Variants in CFAP20DC observed in about 807,000 individuals in gnomAD.
CFAP20DC encodes protein CFAP20DC.
CFAP20DC carries 84 observed loss-of-function variants against 101.7 expected under a neutral mutation model. That is an observed-to-expected ratio of 0.83 (90% confidence interval 0.69 to 0.99). The LOEUF (loss-of-function observed/expected upper bound fraction) is 0.99, where lower values mean the gene tolerates loss of function less well. CFAP20DC is among the 50% of genes least tolerant of loss of function. CFAP20DC has a pLI of 0.00. For missense variants in CFAP20DC, 1,007 were observed against 970.3 expected (o/e 1.04, Z -0.50); for synonymous variants, 359 against 351.2 (o/e 1.02, Z -0.25).
At chr3:58,847,491 G>A (rs1481064088) in intron 13 of CFAP20DC, among the ~76,000 whole-genome samples, 1 of 150,120 alleles carries the variant, frequency 6.7e-6, no homozygotes, top group East Asian at 2.0e-4. Context: ...CAGTTAGAAT[G>A]GCAATCATTA....
At chr3:58,977,508 T>C (rs1337642760) in intron 4 of CFAP20DC, among the ~76,000 whole-genome samples, 3 of 152,130 alleles carry the variant, frequency 2.0e-5, no homozygotes, top group Non-Finnish European at 2.9e-5. Context: ...GCCCTGACTG[T>C]AGCCAGGAAG....
chr3:59,001,746 CT>C lies in CFAP20DC; in HGVS notation c.278+37810del, dbSNP rs939500779. On this transcript the variant is annotated intron_variant, in intron 4 of 16. Coordinates refer to ENST00000482387, the MANE Select transcript of CFAP20DC (RefSeq NM_001394063.1). The surrounding 1 kb of genome is among the most constrained non-coding windows in gnomAD (Gnocchi z 4.5). ...AGCCACTGTGCCCGGCACAGACAAC[CT>C]TTTTCTAATCTCGCAAAAGCAGGGA... is the stretch of plus-strand genomic sequence containing the variant. Among the ~76,000 whole-genome samples, 1 of 152,104 alleles carries C rather than the reference CT, an allele frequency of 6.6e-6. No individual in the cohort carries two copies. Among genetic ancestry groups the C allele is most frequent in the Non-Finnish European group, 1.5e-5 (1 of 68,018 alleles).
intron 4 of CFAP20DC, among the ~76,000 whole-genome samples, chr3:59,010,721 T>C (rs577167675): frequency 6.6e-6 from 1 of 152,268 alleles, no homozygotes; most frequent in Non-Finnish European, 1.5e-5. Flanking sequence ...TTCACAGATA[T>C]TTACAGAACA....
At chr3:59,013,091 G>C (rs2093621295) in intron 4 of CFAP20DC, among the ~76,000 whole-genome samples, 1 of 152,166 alleles carries the variant, frequency 6.6e-6, no homozygotes, top group South Asian at 2.1e-4. Flanking sequence ...CAAATTAGCT[G>C]AGTCTGTCCC....
chr3:58,914,014 GT>G lies in CFAP20DC; in HGVS notation c.394-151del. On this transcript the variant is annotated intron_variant, in intron 5 of 16. Transcript: ENST00000482387. This position sits in a 1 kb window ranked among gnomAD's most constrained non-coding sequence, Gnocchi z 4.9. ...TTCCTCTTTAGGTAAACTTATCTCT[GT>G]TTTGGCTTAAAAACTGACTTGATCT... 1 of 773,194 alleles carries G rather than the reference GT, an allele frequency of 1.3e-6. No homozygotes were observed. The highest frequency in any genetic ancestry group is 2.0e-6 in the Non-Finnish European group (1 of 491,360). 47.9% of individuals were successfully genotyped at this position (773,194 alleles called of 1,614,324 possible).
intron 7 of CFAP20DC, among the ~76,000 whole-genome samples, chr3:58,879,643 C>A (rs757455657): frequency 2.6e-5 from 4 of 151,986 alleles, no homozygotes; most frequent in Non-Finnish European, 4.4e-5. Flanking sequence ...GGGGAGACAG[C>A]AACAAGGAAG....
intron 6 of CFAP20DC, among the ~76,000 whole-genome samples, chr3:58,911,342 A>T (rs1488675520): frequency 1.3e-5 from 2 of 152,214 alleles, no homozygotes; most frequent in South Asian, 4.1e-4. Flanking sequence ...TAGTACAAGA[A>T]TGCATACATG....
chr3:58,889,477 A>C (rs1395328863), intron 6 of CFAP20DC, among the ~76,000 whole-genome samples: 4 of 152,108 alleles, frequency 2.6e-5, no homozygotes, highest in African/African-American at 9.7e-5. Context: ...ACTGAGAGGA[A>C]TCATTACCTC....
chr3:58,783,780 A>AAAAAC (rs1021094685), intron 15 of CFAP20DC, among the ~76,000 whole-genome samples: 5 of 152,164 alleles, frequency 3.3e-5, no homozygotes, highest in East Asian at 1.9e-4. Context: ...CTATTACTAA[A>AAAAAC]AAAACAAAAC....
At chr3:58,726,120 T>C (rs2067546499) in intron 3 of CFAP20DC, 1 of 152,310 alleles carries the variant, frequency 6.6e-6, no homozygotes, top group Admixed American at 6.5e-5. Context: ...GGAGGCCTAG[T>C]TCATAAGACT....
intron 5 of CFAP20DC, among the ~76,000 whole-genome samples, chr3:58,919,240 T>C (rs190379453): frequency 8.7e-4 from 133 of 152,292 alleles, no homozygotes; most frequent in African/African-American, 3.2e-3. Flanking sequence ...CTCATGAGTG[T>C]TGTGTATATT....
At chr3:58,991,717 C>G (rs1400739474) in intron 4 of CFAP20DC, among the ~76,000 whole-genome samples, 1 of 152,120 alleles carries the variant, frequency 6.6e-6, no homozygotes, top group Non-Finnish European at 1.5e-5. Context: ...AGGGTCTGCT[C>G]TCCTACGAGA....
At chr3:58,823,653 C>T (rs1004035164) in intron 14 of CFAP20DC, among the ~76,000 whole-genome samples, 1 of 152,082 alleles carries the variant, frequency 6.6e-6, no homozygotes, top group African/African-American at 2.4e-5. Context: ...TCTGAGTCCA[C>T]AGCTTACCCT....
At chr3:58,763,267 T>C (rs1472035264) in intron 15 of CFAP20DC, among the ~76,000 whole-genome samples, 1 of 152,196 alleles carries the variant, frequency 6.6e-6, no homozygotes, top group Admixed American at 6.5e-5. Flanking sequence ...AAACTTTTCT[T>C]GTCGCTTCAT....
intron 4 of CFAP20DC, chr3:58,992,501 A>G: frequency 2.2e-6 from 2 of 889,500 alleles, no homozygotes; most frequent in Non-Finnish European, 2.7e-6. Context: ...AAAGAAAAAA[A>G]CCTCACCTCG....
At chr3:58,846,612 G>A (rs1214992795) in intron 13 of CFAP20DC, among the ~76,000 whole-genome samples, 97 of 151,470 alleles carry the variant, frequency 6.4e-4, no homozygotes, top group Middle Eastern at 3.4e-3. Context: ...CAGATTCAAT[G>A]CCATCCCCAT....
chr3:58,738,538 C>T (rs1238777453), downstream of CFAP20DC, among the ~76,000 whole-genome samples: 1 of 152,228 alleles, frequency 6.6e-6, no homozygotes, highest in Non-Finnish European at 1.5e-5. The surrounding 1 kb of genome is among the most constrained non-coding windows in gnomAD (Gnocchi z 4.4). Context: ...TTTATGGCTA[C>T]ATAGTATTCC....
intron 15 of CFAP20DC, among the ~76,000 whole-genome samples, chr3:58,763,989 A>T (rs1417724527): frequency 6.6e-6 from 1 of 152,122 alleles, no homozygotes; most frequent in East Asian, 1.9e-4. Flanking sequence ...GGGGTCAGGG[A>T]CCCACTTGAG....
At chr3:58,827,211 G>T (rs763445803) in intron 14 of CFAP20DC, among the ~76,000 whole-genome samples, 2 of 151,916 alleles carry the variant, frequency 1.3e-5, no homozygotes, top group Non-Finnish European at 2.9e-5. Flanking sequence ...AACCCAAAAC[G>T]GCTCAAAACA....
Sources: gnomAD v4.1 joint callset for allele counts (sites outside exome capture counted in the v4.1 genomes callset) on GRCh38, gnomAD v4.1.1 for gene constraint, Gnocchi (gnomAD v3.1) non-coding constraint, MANE v1.5 for transcripts, NCBI Gene and HGNC (gene_info 2026-07-23, HGNC 2026-07-21) for gene names.